The following HERC3 variants were observed in gnomAD, a reference collection of about 807,000 sequenced individuals.
HERC3 encodes the protein HECT and RLD domain containing E3 ubiquitin protein ligase 3, also known as probable E3 ubiquitin-protein ligase HERC3.
A neutral mutation model predicts 129.9 loss-of-function variants in HERC3; 58 were observed. The ratio of observed to expected loss-of-function variants is 0.45; its 90% CI spans 0.36 to 0.56. The LOEUF (loss-of-function observed/expected upper bound fraction) is 0.56, where lower values mean the gene tolerates loss of function less well. Ranked by LOEUF, HERC3 falls within the 20% of genes least tolerant of loss-of-function variation. HERC3 has a pLI of 0.00. For missense variants in HERC3, 835 were observed against 1,244.2 expected (o/e 0.67, Z 4.95); for synonymous variants, 430 against 451.0 (o/e 0.95, Z 0.59).
chr4:88,697,725 C>T (rs377081322), intron 23 of HERC3: 32 of 1,611,076 alleles, frequency 2.0e-5, no homozygotes, highest in Middle Eastern at 1.7e-4. Flanking sequence ...GGCTAGGCTC[C>T]GCAGGCCCCT....
chr4:88,626,962 T>C (rs1231137421), intron 3 of HERC3, among the ~76,000 whole-genome samples: 1 of 152,172 alleles, frequency 6.6e-6, no homozygotes, highest in African/African-American at 2.4e-5. Context: ...GTATTGTTTC[T>C]AGTTTCTTAG....
At chr4:88,588,061 T>C (rs1335181609), upstream of HERC3, among the ~76,000 whole-genome samples, 2 of 152,268 alleles carry the variant, frequency 1.3e-5, no homozygotes, top group South Asian at 2.1e-4. Flanking sequence ...AATCCTGTTA[T>C]CATTAATACA....
At chr4:88,580,675 G>A in the HERC3 span, among the ~76,000 whole-genome samples, 16 of 152,246 alleles carry the variant, frequency 1.1e-4, no homozygotes, top group South Asian at 3.1e-3. Flanking sequence ...GTCATTAGGT[G>A]GTAAATGCTG....
chr4:88,648,751 G>T (rs892545553), intron 3 of HERC3, among the ~76,000 whole-genome samples: 13 of 151,702 alleles, frequency 8.6e-5, no homozygotes, highest in African/African-American at 3.1e-4. Context: ...TTTATATCTT[G>T]TGTCTTCTCC....
intron 23 of HERC3, among the ~76,000 whole-genome samples, chr4:88,692,365 C>T (rs1734158778): frequency 6.7e-6 from 1 of 149,950 alleles, no homozygotes; most frequent in Admixed American, 6.6e-5. Context: ...GGGGGTGGGG[C>T]AGTGGGGGGC....
At chr4:88,697,982 ATCT>A (rs1734843981) in intron 23 of HERC3, among the ~76,000 whole-genome samples, 1 of 152,016 alleles carries the variant, frequency 6.6e-6, no homozygotes, top group African/African-American at 2.4e-5. Flanking sequence ...CTACCCTGAC[ATCT>A]TCTGGGCCCT....
At chr4:88,587,165 G>A in the HERC3 span, among the ~76,000 whole-genome samples, 1 of 152,122 alleles carries the variant, frequency 6.6e-6, no homozygotes, top group East Asian at 1.9e-4. Context: ...TTTATAAAAA[G>A]GTGGCCGTAA....
intron 3 of HERC3, among the ~76,000 whole-genome samples, chr4:88,622,474 GT>G (rs1725641384): frequency 7.8e-6 from 1 of 128,584 alleles, no homozygotes; most frequent in South Asian, 3.5e-4. Flanking sequence ...GTGGACACAT[GT>G]TTTCATTTCT....
chr4:88,697,292 C>T (rs1224609586), intron 23 of HERC3: 2 of 1,606,572 alleles, frequency 1.2e-6, no homozygotes, highest in Non-Finnish European at 1.7e-6. Context: ...TCCTCCTCCT[C>T]CTCGTCTTCC....
rs753498056 is a variant in HERC3 at position 88,649,965 on chromosome 4, C to T, written c.352C>T (p.Leu118Phe). Residue 118 changes from leucine to phenylalanine, a missense_variant, in exon 4 of 26, where the codon CTC becomes TTC. By Grantham distance (22) the Leu-to-Phe change is conservative. Coordinates refer to ENST00000402738, the MANE Select transcript of HERC3 (RefSeq NM_014606.3). The part of the protein sequence containing the change: ...WGAGSDGQLG[L>F]MTTEDSVAVP... ...TGCAGGGAGTGATGGTCAGCTAGGA[C>T]TCATGACTACTGAGGATTCTGTGGC... is the stretch of plus-strand genomic sequence containing the variant. 1.2e-6 allele frequency: 2 copies of T among 1,614,010 alleles called. No individual in the cohort carries two copies. Among genetic ancestry groups the T allele is most frequent in the Admixed American group, 3.3e-5 (2 of 60,002 alleles).
chr4:88,554,618 T>C, the HERC3 span, among the ~76,000 whole-genome samples: 1 of 152,112 alleles, frequency 6.6e-6, no homozygotes, highest in Admixed American at 6.6e-5. Flanking sequence ...GTTTTACTAA[T>C]GGAAGATACA....
chr4:88,605,773 A>G, intron 2 of HERC3, 22 bp from the exon 3 acceptor site: 1 of 1,424,388 alleles, frequency 7.0e-7, no homozygotes, highest in Non-Finnish European at 9.7e-7. Context: ...TTAAAAAATA[A>G]TTTTTTTAAA....
rs891583992 is a variant in HERC3, at chr4:88,704,742, T to C, written c.2944+132T>C. On this transcript the variant is annotated intron_variant, in intron 25 of 25. Coordinates refer to ENST00000402738, the MANE Select transcript of HERC3 (RefSeq NM_014606.3). ...ACCAGGTAATTCACTATATGTATGC[T>C]TTTTGTCTTAATGTTATCTCAGGCA... is the stretch of plus-strand genomic sequence containing the variant. 6.4e-6 allele frequency: 4 copies of C among 628,990 alleles called. No homozygotes were observed. The African/African-American group carries it at 7.4e-5, about 12-fold the overall frequency. 39.0% of individuals were successfully genotyped at this position (628,990 alleles called of 1,614,324 possible). A position where few individuals can be genotyped will look rare whatever the true frequency, so the allele number is the denominator to read the frequency against.
At chr4:88,550,417 A>T in the HERC3 span, among the ~76,000 whole-genome samples, 1 of 152,210 alleles carries the variant, frequency 6.6e-6, no homozygotes, top group East Asian at 1.9e-4. Context: ...CCTTAAGCTG[A>T]TAAGCAACTT....
intron 14 of HERC3, among the ~76,000 whole-genome samples, chr4:88,669,539 A>G (rs990894056): frequency 6.6e-6 from 1 of 152,178 alleles, no homozygotes; most frequent in African/African-American, 2.4e-5. Context: ...TTTTTGGATT[A>G]ATACATTGGG....
upstream of HERC3, chr4:88,592,470 G>A (rs564154301): frequency 1.3e-5 from 2 of 152,464 alleles, no homozygotes; most frequent in South Asian, 4.1e-4. Flanking sequence ...CAGGCTTGCG[G>A]GGAAACTTCC....
intron 1 of HERC3, chr4:88,593,132 A>T (rs994825233): frequency 6.6e-6 from 1 of 152,008 alleles, no homozygotes; most frequent in Non-Finnish European, 1.5e-5. Flanking sequence ...GGCGTCCGCG[A>T]TGACAGCGCC....
intron 21 of HERC3, among the ~76,000 whole-genome samples, chr4:88,685,763 A>AAAT (rs139475837): frequency 4.8e-4 from 73 of 151,626 alleles, no homozygotes; most frequent in Middle Eastern, 6.8e-3. Context: ...ACTTAAAGTA[A>AAAT]AATAATAATA....
the HERC3 span, among the ~76,000 whole-genome samples, chr4:88,555,276 C>T: frequency 9.4e-5 from 12 of 127,290 alleles, no homozygotes; most frequent in South Asian, 2.5e-4. Flanking sequence ...AGCGAGACTC[C>T]GTCTCAAAAA....
Sources: allele counts gnomAD v4.1 joint callset (sites outside exome capture counted in the v4.1 genomes callset), GRCh38; gene constraint gnomAD v4.1.1; transcripts MANE v1.5; gene names NCBI Gene and HGNC (gene_info 2026-07-23, HGNC 2026-07-21).